Variants in HPGD observed in about 807,000 individuals in gnomAD.
The protein encoded by HPGD is 15-hydroxyprostaglandin dehydrogenase.
A neutral mutation model predicts 30.0 loss-of-function variants in HPGD; 29 were observed. The ratio of observed to expected loss-of-function variants is 0.97; its 90% CI spans 0.72 to 1.32. The LOEUF (loss-of-function observed/expected upper bound fraction) is 1.32, where lower values mean the gene tolerates loss of function less well. Among genes scored for constraint, HPGD ranks in the 40% most tolerant of loss-of-function variants. The probability of loss-of-function intolerance (pLI) is 0.00; values close to 1 mark genes in which losing one functional copy is unlikely to be tolerated. For missense variants in HPGD, 340 were observed against 322.1 expected (o/e 1.06, Z -0.43); for synonymous variants, 99 against 112.4 (o/e 0.88, Z 0.75).
In HPGD at chr4:174,492,146, A is replaced by G. The variant is rs1734371660; in HGVS notation, c.663-52T>C. 3 of 1,512,154 alleles carry G rather than the reference A, an allele frequency of 2.0e-6. No homozygotes were observed. Among genetic ancestry groups the G allele is most frequent in the Non-Finnish European group, 2.7e-6 (3 of 1,092,774 alleles). 93.7% of individuals were successfully genotyped at this position (1,512,154 alleles called of 1,614,324 possible). A position where few individuals can be genotyped will look rare whatever the true frequency, so the allele number is the denominator to read the frequency against. On this transcript the variant is annotated intron_variant, in intron 6 of 6. Transcript: ENST00000296522. The surrounding 1 kb of genome is among the most constrained non-coding windows in gnomAD (Gnocchi z 4.9). ...AAACGAAAGAATGAGGCATATTACC[A>G]CTTCATTTTAAGTTATTTTCTGAAG...
chr4:174,520,477 G>A (rs1031193371), intron 2 of HPGD, among the ~76,000 whole-genome samples: 4 of 152,164 alleles, frequency 2.6e-5, no homozygotes, highest in African/African-American at 9.6e-5. Flanking sequence ...TCAATGTCAT[G>A]TTTCCTTTAG....
Position 174,522,435 on chromosome 4 carries a change from T to C in HPGD, c.17A>G (p.Lys6Arg). 1 of 1,582,244 alleles carries C rather than the reference T, an allele frequency of 6.3e-7. No homozygotes were observed. The highest frequency in any genetic ancestry group is 8.6e-7 in the Non-Finnish European group (1 of 1,165,064). ...AGCCGCGCCGGTCACCAGCGCCACT[T>C]TGCCGTTCACGTGCATGGTGCAGCC... MHVNG[K>R]VALVTGAAQG... is the part of the protein sequence containing the mutation. Residue 6 changes from lysine to arginine, a missense_variant, in exon 1 of 7, where the codon AAA becomes AGA. Transcript: ENST00000296522.
chr4:174,508,116 G>A (rs1171570687), intron 4 of HPGD: 1 of 702,302 alleles, frequency 1.4e-6, no homozygotes, highest in Non-Finnish European at 2.6e-6. Context: ...AACCCTGGGA[G>A]CTCCCTGCTG....
Position 174,511,976 on chromosome 4 carries a change from C to T in HPGD, c.325-3184G>A, listed in dbSNP as rs1281031306. Among the ~76,000 whole-genome samples the T allele has an allele frequency of 2.0e-5, 3 of 152,204 alleles. No individual in the cohort carries two copies. In the East Asian group the frequency reaches 5.8e-4, roughly 29 times the overall value. ...AACATTTCTTCTGTGTTCTGAACAGCAATACATAATGCTGCTGTTGTTGGC... is the reference window on the plus strand; with the variant it reads ...AACATTTCTTCTGTGTTCTGAACAGTAATACATAATGCTGCTGTTGTTGGC... On this transcript the variant is annotated intron_variant, in intron 3 of 6. Transcript: ENST00000296522.
chr4:174,499,995 C>T (rs1734826385), intron 4 of HPGD, among the ~76,000 whole-genome samples: 1 of 151,860 alleles, frequency 6.6e-6, no homozygotes, highest in Admixed American at 6.6e-5. Context: ...ATTTAAAATA[C>T]TTATCTCAAG....
Position 174,495,557 on chromosome 4 carries a change from G to T in HPGD, c.489C>A (p.Arg163=). The change falls in exon 5 of 7, where the codon CGC becomes CGA. Residue 163 remains arginine, a synonymous_variant. Coordinates refer to ENST00000296522, the MANE Select transcript of HPGD (RefSeq NM_000860.6). ...GTTGTTGTAGCCTCACCGCTGCTGA[G>T]CGTGTGAATCCAACTATGCCATGCT... The part of the protein sequence containing the change: ...ASKHGIVGFT[R]SAALAANLMN... 6.2e-7 allele frequency: 1 copy of T among 1,610,556 alleles called. No individual in the cohort carries two copies. The highest frequency in any genetic ancestry group is 1.3e-5 in the African/African-American group (1 of 74,922).
At chr4:174,519,563 T>G (rs991453005) in intron 2 of HPGD, among the ~76,000 whole-genome samples, 7 of 152,118 alleles carry the variant, frequency 4.6e-5, no homozygotes, top group Admixed American at 4.6e-4. Flanking sequence ...CTGCCTTAAC[T>G]GATGACATTC....
chr4:174,497,923 C>T (rs1412680178), intron 4 of HPGD, among the ~76,000 whole-genome samples: 1 of 149,138 alleles, frequency 6.7e-6, no homozygotes, highest in Non-Finnish European at 1.5e-5. Flanking sequence ...TCCCCCCGCC[C>T]CATACCTTCC....
Position 174,491,784 on chromosome 4 carries a change from A to G in HPGD, c.*172T>C. On this transcript the variant is annotated 3_prime_UTR_variant, in exon 7 of 7. Transcript: ENST00000296522. ...GTCCACATCACATTTTTAATAGTTC[A>G]TAACTTTTTATCCATATACTTAACT... 1 of 610,284 alleles carries G rather than the reference A, an allele frequency of 1.6e-6. No homozygotes were observed. The highest frequency in any genetic ancestry group is 1.9e-5 in the South Asian group (1 of 51,590). The allele number at this position is 610,284 out of a possible 1,614,324, so 37.8% of individuals were successfully genotyped here.
chr4:174,495,543 C>T lies in HPGD; in HGVS notation c.498+5G>A, dbSNP rs778813641. 1.2e-6 allele frequency: 2 copies of T among 1,602,728 alleles called. No individual in the cohort carries two copies. The highest frequency in any genetic ancestry group is 1.7e-6 in the Non-Finnish European group (2 of 1,169,748). On this transcript the variant is annotated splice_donor_5th_base_variant and intron_variant, in intron 5 of 6. Transcript: ENST00000296522. ...AATGAGATATGACGGTTGTTGTAGC[C>T]TCACCGCTGCTGAGCGTGTGAATCC...
chr4:174,501,786 G>GA (rs45591831), intron 4 of HPGD, among the ~76,000 whole-genome samples: 15 of 150,812 alleles, frequency 9.9e-5, no homozygotes, highest in South Asian at 2.1e-4. Flanking sequence ...AAGTCATTCA[G>GA]AAAAAAAAAT....
intron 4 of HPGD, among the ~76,000 whole-genome samples, chr4:174,501,069 G>C (rs1289877844): frequency 1.3e-5 from 2 of 152,060 alleles, no homozygotes; most frequent in Non-Finnish European, 2.9e-5. Context: ...ATTCACATAA[G>C]AACTATGTGT....
In HPGD at chr4:174,492,090, G is replaced by A; in HGVS notation, c.667C>T (p.Pro223Ser). Reference protein sequence around the residue: ...MIKYYGILDPPLIANGLITLI... With the variant: ...MIKYYGILDPSLIANGLITLI... ...GTTATCAATCCATTGGCAATCAATG[G>A]TGGGCTAAAAATAAAGAAAACAGTA... Residue 223 changes from proline (P) to serine (S), a missense_variant, in exon 7 of 7, where the codon CCA (proline) becomes TCA (serine). Physicochemically the swap from Pro to Ser is moderately conservative, Grantham distance 74 (BLOSUM62 -1). Coordinates refer to ENST00000296522, the MANE Select transcript of HPGD (RefSeq NM_000860.6). The surrounding 1 kb of genome is among the most constrained non-coding windows in gnomAD (Gnocchi z 4.9). 6.2e-7 allele frequency: 1 copy of A among 1,610,780 alleles called. No individual in the cohort carries two copies. The highest frequency in any genetic ancestry group is 8.5e-7 in the Non-Finnish European group (1 of 1,177,766).
At chr4:174,508,892 A>T in intron 3 of HPGD, 100 bp from the exon 4 acceptor site, 1 of 751,288 alleles carries the variant, frequency 1.3e-6, no homozygotes, top group South Asian at 1.4e-5. Flanking sequence ...ACCTAGGGAG[A>T]TTTCTGCAAA....
At chr4:174,502,353 G>A (rs1446942489) in intron 4 of HPGD, among the ~76,000 whole-genome samples, 1 of 152,110 alleles carries the variant, frequency 6.6e-6, no homozygotes, top group Non-Finnish European at 1.5e-5. Flanking sequence ...GTGCCATTAA[G>A]TTATGCTTTA....
At chr4:174,495,907 A>G (rs1734574690) in intron 4 of HPGD, 1 of 411,832 alleles carries the variant, frequency 2.4e-6, no homozygotes, top group African/African-American at 2.0e-5. Flanking sequence ...CTGGAAAGTC[A>G]AGGAAAGTAA....
In HPGD at chr4:174,494,812, A is replaced by G. The variant is rs765549741; in HGVS notation, c.498+736T>C. 4.0e-4 allele frequency among the ~76,000 whole-genome samples: 61 copies of G among 152,146 alleles called. No homozygotes were observed. Among genetic ancestry groups the G allele is most frequent in the Non-Finnish European group, 3.7e-4 (25 of 68,014 alleles). On this transcript the variant is annotated intron_variant, in intron 5 of 6. Coordinates refer to ENST00000296522, the MANE Select transcript of HPGD (RefSeq NM_000860.6). This position sits in a 1 kb window ranked among gnomAD's most constrained non-coding sequence, Gnocchi z 4.9. ...AAAGCAGACAGAATGGTCTTCTTAA[A>G]AAGGAAATCTGATCTTATCACTCCT...
chr4:174,508,151 A>C, intron 4 of HPGD: 1 of 702,574 alleles, frequency 1.4e-6, no homozygotes, highest in Non-Finnish European at 2.6e-6. Flanking sequence ...TCTGCCAGCC[A>C]GGTTTTCAAA....
chr4:174,522,313 G>T, intron 1 of HPGD, 46 bp downstream of exon 1: 1 of 1,505,408 alleles, frequency 6.6e-7, no homozygotes, highest in Non-Finnish European at 9.0e-7. Flanking sequence ...GGCGAGTCTC[G>T]GAGTGTGTGG....
Sources: allele counts gnomAD v4.1 joint callset (sites outside exome capture counted in the v4.1 genomes callset), GRCh38; gene constraint gnomAD v4.1.1; non-coding constraint Gnocchi (gnomAD v3.1); transcripts MANE v1.5; gene names NCBI Gene and HGNC (gene_info 2026-07-23, HGNC 2026-07-21).